The following GRIK4 variants were observed in gnomAD, a reference collection of about 807,000 sequenced individuals.
GRIK4 encodes the protein glutamate ionotropic receptor kainate type subunit 4, also known as glutamate receptor ionotropic, kainate 4.
GRIK4 carries 40 observed loss-of-function variants against 104.9 expected under a neutral mutation model. The ratio of observed to expected loss-of-function variants is 0.38; its 90% CI spans 0.30 to 0.50. The LOEUF (loss-of-function observed/expected upper bound fraction) is 0.50. GRIK4 is among the 20% of genes least tolerant of loss of function. The probability of loss-of-function intolerance (pLI) is 0.93; values close to 1 mark genes in which losing one functional copy is unlikely to be tolerated. For synonymous variants in GRIK4, 485 were observed against 524.9 expected (o/e 0.92, Z 1.04); for missense variants, 1,047 against 1,308.1 (o/e 0.80, Z 3.08).
chr11:120,602,431 C>T lies in GRIK4; in HGVS notation c.-158-51254C>T, dbSNP rs191407369. Among the ~76,000 whole-genome samples the T allele has an allele frequency of 2.4e-3, 360 of 152,184 alleles. 1 individual carries two copies. The highest frequency in any genetic ancestry group is 2.9e-3 in the Non-Finnish European group (196 of 68,026). Reference sequence around the variant, plus strand: ...GGGTGGGTAGCCATATGAGGACCCACCTGAAGAGGAAGGAAGGAATTGGCC... The same window carrying T: ...GGGTGGGTAGCCATATGAGGACCCATCTGAAGAGGAAGGAAGGAATTGGCC... On this transcript the variant is annotated intron_variant, in intron 1 of 20. Transcript: ENST00000527524.
At chr11:120,909,496 A>G (rs549756537) in intron 13 of GRIK4, among the ~76,000 whole-genome samples, 7 of 152,194 alleles carry the variant, frequency 4.6e-5, no homozygotes, top group Non-Finnish European at 7.3e-5. Flanking sequence ...TCTTGCAGGC[A>G]TGGCAGCTCT....
At chr11:120,762,903 T>G (rs971831795) in intron 3 of GRIK4, among the ~76,000 whole-genome samples, 1 of 152,150 alleles carries the variant, frequency 6.6e-6, no homozygotes. Flanking sequence ...AATTTTCTTT[T>G]TTTGTTGTTG....
chr11:120,676,791 A>AT (rs1950105492), intron 3 of GRIK4, among the ~76,000 whole-genome samples: 1 of 152,236 alleles, frequency 6.6e-6, no homozygotes, highest in Non-Finnish European at 1.5e-5. Context: ...CAAACAAACC[A>AT]TGTCCAAACC....
At position 120,606,208 on chromosome 11, in the gene GRIK4, G is replaced by A. The variant is rs146706649; in HGVS notation, c.-158-47477G>A. On this transcript the variant is annotated intron_variant, in intron 1 of 20. Coordinates refer to ENST00000527524, the MANE Select transcript of GRIK4 (RefSeq NM_014619.5). ...CCACTGAAGTCAAGGACAGATTCAC[G>A]TTTTTCATGGCATGGGGCCCAGATT... Among the ~76,000 whole-genome samples, 766 of 152,242 alleles carry A rather than the reference G, an allele frequency of 5.0e-3. 10 individuals carry two copies. Among genetic ancestry groups the A allele is most frequent in the African/African-American group, 0.017 (719 of 41,520 alleles).
At chr11:120,788,950 G>T (rs1274360169) in intron 3 of GRIK4, among the ~76,000 whole-genome samples, 1 of 152,110 alleles carries the variant, frequency 6.6e-6, no homozygotes, top group Non-Finnish European at 1.5e-5. Flanking sequence ...TACTTGCCCA[G>T]CCCTGTGGAG....
intron 19 of GRIK4, among the ~76,000 whole-genome samples, chr11:120,968,412 A>T (rs893818721): frequency 1.3e-5 from 2 of 152,182 alleles, no homozygotes; most frequent in Non-Finnish European, 2.9e-5. Flanking sequence ...CAACAGATTT[A>T]CCTGTCCACG....
chr11:120,845,319 CT>C, intron 8 of GRIK4, among the ~76,000 whole-genome samples: 1 of 152,306 alleles, frequency 6.6e-6, no homozygotes, highest in East Asian at 1.9e-4. Flanking sequence ...TCAGTTTTCC[CT>C]CTTGTAAAAT....
At chr11:120,603,036 C>T (rs1013682705) in intron 1 of GRIK4, among the ~76,000 whole-genome samples, 11 of 152,116 alleles carry the variant, frequency 7.2e-5, no homozygotes, top group South Asian at 4.2e-4. Context: ...CTAGATCTGA[C>T]GATACAGGCC....
intron 1 of GRIK4, among the ~76,000 whole-genome samples, chr11:120,651,400 T>C (rs1382295769): frequency 2.0e-5 from 3 of 152,212 alleles, no homozygotes; most frequent in Non-Finnish European, 2.9e-5. Flanking sequence ...ATCATGTCTC[T>C]GGGGAGGGGC....
Position 120,986,068 on chromosome 11 carries a change from C to T in GRIK4, c.2679C>T (p.Cys893=), listed in dbSNP as rs764376984. 48 of 1,518,440 alleles carry T rather than the reference C, an allele frequency of 3.2e-5. No individual in the cohort carries two copies. In the African/African-American group the frequency reaches 4.0e-4, roughly 13 times the overall value. The allele number at this position is 1,518,440 out of a possible 1,614,324, so 94.1% of individuals were successfully genotyped here. The change falls in exon 21 of 21, where the codon TGC becomes TGT. Residue 893 remains cysteine (C), a synonymous_variant. Coordinates refer to ENST00000527524, the MANE Select transcript of GRIK4 (RefSeq NM_014619.5). The part of the protein sequence containing the change: ...GTATLSNGKL[C]GAGEPDQLAQ... Reference sequence around the variant, plus strand: ...CGACGCTCAGCAACGGGAAGCTGTGCGGGGCAGGGGAGCCCGACCAGCTCG... The same window carrying T: ...CGACGCTCAGCAACGGGAAGCTGTGTGGGGCAGGGGAGCCCGACCAGCTCG...
At chr11:120,583,919 G>A (rs1948622303) in intron 1 of GRIK4, among the ~76,000 whole-genome samples, 1 of 152,108 alleles carries the variant, frequency 6.6e-6, no homozygotes, top group African/African-American at 2.4e-5. Context: ...TTGTTGTAGG[G>A]ATCTTTCACC....
At chr11:120,814,913 A>G (rs1182079159) in intron 4 of GRIK4, among the ~76,000 whole-genome samples, 1 of 151,992 alleles carries the variant, frequency 6.6e-6, no homozygotes, top group East Asian at 1.9e-4. Flanking sequence ...TGTCTGCGTC[A>G]TCCTCGCCCT....
Position 120,956,509 on chromosome 11 carries a change from T to C in GRIK4, c.1701-271T>C, listed in dbSNP as rs796517918. ...CATGAGCCACCGCACCTGGCCATCC[T>C]CTATTCTGTATTTTGGAGTTCCACA... On this transcript the variant is annotated intron_variant, in intron 15 of 20. Coordinates refer to ENST00000527524, the MANE Select transcript of GRIK4 (RefSeq NM_014619.5). The surrounding 1 kb of genome is among the most constrained non-coding windows in gnomAD (Gnocchi z 4.6). 3.3e-5 allele frequency among the ~76,000 whole-genome samples: 5 copies of C among 152,310 alleles called. No homozygotes were observed. Among genetic ancestry groups the C allele is most frequent in the African/African-American group, 1.2e-4 (5 of 41,566 alleles).
chr11:120,691,990 C>T (rs1043721627), intron 3 of GRIK4, among the ~76,000 whole-genome samples: 3 of 152,218 alleles, frequency 2.0e-5, no homozygotes, highest in African/African-American at 7.2e-5. Flanking sequence ...GCAATACCCT[C>T]CTATGATGTG....
intron 3 of GRIK4, among the ~76,000 whole-genome samples, chr11:120,774,577 A>G (rs1030295498): frequency 1.2e-4 from 18 of 152,218 alleles, no homozygotes; most frequent in African/African-American, 3.9e-4. Context: ...CAGTCACATT[A>G]TGGAGAGCCA....
chr11:120,716,334 C>G (rs1316154424), intron 3 of GRIK4, among the ~76,000 whole-genome samples: 1 of 152,078 alleles, frequency 6.6e-6, no homozygotes, highest in Admixed American at 6.5e-5. Flanking sequence ...ACTTTCACCT[C>G]CTGGGTTCAA....
rs1338762733 is a variant in GRIK4, at chr11:120,569,029, G to A, written c.-159+57142G>A. Among the ~76,000 whole-genome samples, 10 of 152,342 alleles carry A rather than the reference G, an allele frequency of 6.6e-5. No individual in the cohort carries two copies. In the East Asian group the frequency reaches 1.3e-3, roughly 21 times the overall value. On this transcript the variant is annotated intron_variant, in intron 1 of 20. Coordinates refer to ENST00000527524, the MANE Select transcript of GRIK4 (RefSeq NM_014619.5). ...CTACAATCCAATAAGAACAACGGCT[G>A]TTGCCATTTGGATGAAAGGAGCTGA... is the stretch of plus-strand genomic sequence containing the variant.
intron 3 of GRIK4, among the ~76,000 whole-genome samples, chr11:120,739,935 T>C (rs1951297553): frequency 6.6e-6 from 1 of 152,154 alleles, no homozygotes; most frequent in South Asian, 2.1e-4. Context: ...CCATTACCCT[T>C]GCCCTAGGAC....
At chr11:120,886,828 C>T (rs1207359769) in intron 11 of GRIK4, among the ~76,000 whole-genome samples, 2 of 152,242 alleles carry the variant, frequency 1.3e-5, no homozygotes, top group Admixed American at 6.5e-5. Flanking sequence ...AGGACTTCAT[C>T]TCCTGTTGAT....
Sources: allele counts gnomAD v4.1 joint callset (sites outside exome capture counted in the v4.1 genomes callset), GRCh38; gene constraint gnomAD v4.1.1; non-coding constraint Gnocchi (gnomAD v3.1); transcripts MANE v1.5; gene names NCBI Gene and HGNC (gene_info 2026-07-23, HGNC 2026-07-21).